ZFHX2: variants seen among roughly 807,000 people sequenced by gnomAD.
ZFHX2 encodes the protein zinc finger homeobox 2.
ZFHX2 carries 75 observed loss-of-function variants against 164.8 expected under a neutral mutation model. The ratio of observed to expected loss-of-function variants is 0.46; its 90% CI spans 0.38 to 0.55. The LOEUF (loss-of-function observed/expected upper bound fraction) is 0.55, where lower values mean the gene tolerates loss of function less well. ZFHX2 is among the 20% of genes least tolerant of loss of function. ZFHX2 has a pLI of 0.00. For synonymous variants in ZFHX2, 1,217 were observed against 1,351.4 expected (o/e 0.90, Z 2.18); for missense variants, 2,933 against 3,308.0 (o/e 0.89, Z 2.78).
At position 23,525,815 on chromosome 14, in the gene ZFHX2, G is replaced by C; in HGVS notation, c.4127C>G (p.Pro1376Arg). ...PFYLHDLKVG[P>R]KLTLAGPAPV... ...TGCAGGCCCAGCTAGTGTCAGCTTG[G>C]GCCCCACCTTGAGATCGTGGAGGTA... Residue 1376 changes from proline (P) to arginine (R), a missense_variant, in exon 9 of 10, where the codon CCC becomes CGC. Physicochemically the swap from Pro to Arg is moderately radical, Grantham distance 103 (BLOSUM62 -2). Transcript: ENST00000419474. The surrounding 1 kb of genome is among the most constrained non-coding windows in gnomAD (Gnocchi z 5.9). 6.8e-7 allele frequency: 1 copy of C among 1,463,592 alleles called. No homozygotes were observed. 90.7% of individuals were successfully genotyped at this position (1,463,592 alleles called of 1,614,324 possible).
chr14:23,534,470 T>G lies in ZFHX2; in HGVS notation c.856A>C (p.Lys286Gln). 1 of 1,536,276 alleles carries G rather than the reference T, an allele frequency of 6.5e-7. No individual in the cohort carries two copies. The highest frequency in any genetic ancestry group is 1.7e-4 in the Middle Eastern group (1 of 5,990). The change falls in exon 2 of 10, where the codon AAG (lysine) becomes CAG (glutamine). Residue 286 changes from lysine to glutamine, a missense_variant. Lys to Gln is a moderately conservative substitution (Grantham distance 53). Transcript: ENST00000419474. This position sits in a 1 kb window ranked among gnomAD's most constrained non-coding sequence, Gnocchi z 4.5. Reference sequence around the variant, plus strand: ...GGCTCCAGAAAGCTTATGAGGGCCTTGCAGCCTTCATCTCCCTCCTGGAGT... The same window carrying G: ...GGCTCCAGAAAGCTTATGAGGGCCTGGCAGCCTTCATCTCCCTCCTGGAGT... Reference protein sequence around the residue: ...AVLQEGDEGCKALISFLEPKL... With the variant: ...AVLQEGDEGCQALISFLEPKL...
rs1273775597 is a variant in ZFHX2 at position 23,532,878 on chromosome 14, A to T, written c.2248T>A (p.Trp750Arg). 2 of 1,536,226 alleles carry T rather than the reference A, an allele frequency of 1.3e-6. No individual in the cohort carries two copies. The highest frequency in any genetic ancestry group is 1.2e-5 in the South Asian group (1 of 84,064). Residue 750 changes from tryptophan (W) to arginine (R), a missense_variant, in exon 3 of 10, where the codon TGG becomes AGG. Trp to Arg is a moderately radical substitution (Grantham distance 101). Transcript: ENST00000419474. ...TGGGTGTCACCAGCCACCTCCTTCC[A>T]TTCAGCTTCCGGGAGGCTCCGGCCT... ...SIGRSLPEAE[W>R]KEVAGDTHRC...
chr14:23,530,667 C>T (rs188278197), intron 4 of ZFHX2: 57 of 339,552 alleles, frequency 1.7e-4, no homozygotes, highest in South Asian at 5.1e-4. Context: ...AATTTATTTT[C>T]GGTGGCAGCC....
intron 1 of ZFHX2, among the ~76,000 whole-genome samples, chr14:23,548,744 T>C (rs1881647336): frequency 6.6e-6 from 1 of 152,244 alleles, no homozygotes; most frequent in Non-Finnish European, 1.5e-5. Context: ...GTCTCTTCCC[T>C]GGATATTTCT....
upstream of ZFHX2, among the ~76,000 whole-genome samples, chr14:23,553,652 T>C (rs958005106): frequency 1.3e-5 from 2 of 151,744 alleles, no homozygotes; most frequent in African/African-American, 4.8e-5. Flanking sequence ...CCCAGCACTT[T>C]GGGAGGTGGA....
At chr14:23,526,788 G>T (rs1451871717) in intron 8 of ZFHX2, 59 bp downstream of exon 8, 1 of 1,525,690 alleles carries the variant, frequency 6.6e-7, no homozygotes, top group Admixed American at 2.0e-5. Flanking sequence ...TTCAGACCTT[G>T]TTGGCCCATG....
Position 23,522,520 on chromosome 14 carries a change from C to T in ZFHX2, c.7161G>A (p.Met2387Ile). The change falls in exon 10 of 10, where the codon ATG (methionine) becomes ATA (isoleucine). Residue 2387 changes from methionine to isoleucine, a missense_variant. By Grantham distance (10) the Met-to-Ile change is conservative (BLOSUM62 1). Coordinates refer to ENST00000419474, the MANE Select transcript of ZFHX2 (RefSeq NM_033400.3). ...GCAGCCCAATGAGGGTCTGAGGTAT[C>T]ATGGGGTTCATGGGAAATAGCCCCT... is the stretch of plus-strand genomic sequence containing the variant. ...MKKGLFPMNP[M>I]IPQTLIGLLP... is the part of the protein sequence containing the mutation. 6.5e-7 allele frequency: 1 copy of T among 1,528,466 alleles called. No individual in the cohort carries two copies. 94.7% of individuals were successfully genotyped at this position (1,528,466 alleles called of 1,614,324 possible).
chr14:23,522,555 C>T lies in ZFHX2; in HGVS notation c.7126G>A (p.Gly2376Ser), dbSNP rs894708824. 3.9e-6 allele frequency: 6 copies of T among 1,528,132 alleles called. No individual in the cohort carries two copies. Among genetic ancestry groups the T allele is most frequent in the Non-Finnish European group, 5.3e-6 (6 of 1,141,924 alleles). 94.7% of individuals were successfully genotyped at this position (1,528,132 alleles called of 1,614,324 possible). Residue 2376 changes from glycine to serine, a missense_variant, in exon 10 of 10, where the codon GGC becomes AGC. Gly to Ser is a moderately conservative substitution (Grantham distance 56). Transcript: ENST00000419474. Reference sequence around the variant, plus strand: ...ATGGGAAATAGCCCCTTCTTCATGCCATAGAGCTGTTGGAAGTAGGCCCCC... The same window carrying T: ...ATGGGAAATAGCCCCTTCTTCATGCTATAGAGCTGTTGGAAGTAGGCCCCC... The part of the protein sequence containing the change: ...LQGAYFQQLY[G>S]MKKGLFPMNP...
At chr14:23,537,760 C>A (rs941610649) in intron 1 of ZFHX2, among the ~76,000 whole-genome samples, 1 of 152,160 alleles carries the variant, frequency 6.6e-6, no homozygotes, top group Non-Finnish European at 1.5e-5. Flanking sequence ...AGGTATTCCT[C>A]CTACAGAATC....
Position 23,531,543 on chromosome 14 carries a change from T to C in ZFHX2, c.2738A>G (p.Glu913Gly). The change falls in exon 4 of 10, where the codon GAG becomes GGG. Residue 913 changes from glutamate to glycine, a missense_variant. Transcript: ENST00000419474. ...LQLLQNGPTTEEGLAALQSIL... is the reference protein window; with the variant it reads ...LQLLQNGPTTGEGLAALQSIL... ...GCTCTGAAGAGCTGCGAGTCCTTCC[T>C]CAGTGGTTGGGCCATTCTGTAGCAG... is the stretch of plus-strand genomic sequence containing the variant. 6.6e-7 allele frequency: 1 copy of C among 1,518,738 alleles called. No individual in the cohort carries two copies. Among genetic ancestry groups the C allele is most frequent in the Non-Finnish European group, 8.8e-7 (1 of 1,135,946 alleles). The allele number at this position is 1,518,738 out of a possible 1,614,324, so 94.1% of individuals were successfully genotyped here. A position where few individuals can be genotyped will look rare whatever the true frequency, so the allele number is the denominator to read the frequency against.
chr14:23,532,416 T>G, intron 3 of ZFHX2, 151 bp downstream of exon 3: 1 of 920,356 alleles, frequency 1.1e-6, no homozygotes, highest in Non-Finnish European at 1.5e-6. Flanking sequence ...GTCACTTTGT[T>G]ACCCTGGTAC....
intron 1 of ZFHX2, among the ~76,000 whole-genome samples, chr14:23,549,982 C>T (rs1881792116): frequency 1.3e-5 from 2 of 152,100 alleles, no homozygotes; most frequent in Non-Finnish European, 2.9e-5. Context: ...ACTCAGAGCT[C>T]ATGGGAAACA....
At chr14:23,552,641 G>A (rs1408671607), upstream of ZFHX2, among the ~76,000 whole-genome samples, 2 of 151,502 alleles carry the variant, frequency 1.3e-5, no homozygotes, top group Non-Finnish European at 2.9e-5. Flanking sequence ...TCACTCTGTC[G>A]CCCAGGCTGC....
chr14:23,531,330 T>A, intron 4 of ZFHX2, 151 bp downstream of exon 4: 1 of 1,187,120 alleles, frequency 8.4e-7, no homozygotes. Flanking sequence ...GCTCATTCTG[T>A]CTTATCCCTT....
rs1487097667 is a variant in ZFHX2, at chr14:23,533,577, G to A, written c.1749C>T (p.Asn583=). 3.9e-6 allele frequency: 6 copies of A among 1,536,608 alleles called. No individual in the cohort carries two copies. In the South Asian group the frequency reaches 4.8e-5, roughly 12 times the overall value. The change falls in exon 2 of 10, where the codon AAC becomes AAT. Residue 583 remains asparagine (N), a synonymous_variant. Transcript: ENST00000419474. The surrounding 1 kb of genome is among the most constrained non-coding windows in gnomAD (Gnocchi z 4.8). The part of the protein sequence containing the change: ...VCSYETNISR[N]LRIHMTSEKH... Reference sequence around the variant, plus strand: ...TCTCAGAGGTCATATGGATGCGCAGGTTACGGGAGATGTTTGTCTCGTAGC... The same window carrying A: ...TCTCAGAGGTCATATGGATGCGCAGATTACGGGAGATGTTTGTCTCGTAGC...
chr14:23,532,944 T>G lies in ZFHX2; in HGVS notation c.2182A>C (p.Ser728Arg), dbSNP rs1165439727. 1.3e-6 allele frequency: 2 copies of G among 1,536,074 alleles called. No homozygotes were observed. Residue 728 changes from serine (S) to arginine (R), a missense_variant, in exon 3 of 10, where the codon AGC becomes CGC. By Grantham distance (110) the Ser-to-Arg change is moderately radical (BLOSUM62 -1). Transcript: ENST00000419474. ...AGCAGCAGCTCCAGGCTGTCTGTGC[T>G]GAAGGCCTGGCACACTAGGCAGCGG... ...VFRCLVCQAF[S>R]TDSLELLLYH...
chr14:23,530,257 G>A (rs946637551), intron 4 of ZFHX2, 63 bp from the exon 5 acceptor site: 66 of 1,259,950 alleles, frequency 5.2e-5, no homozygotes, highest in Non-Finnish European at 6.8e-5. Flanking sequence ...GAGGACATAG[G>A]ACAGAGGAAG....
rs1287132557 is a variant in ZFHX2 at position 23,525,361 on chromosome 14, G to C, written c.4581C>G (p.Tyr1527Ter). ...GTTTGGGAGGCTCTGCAAGGGGCGG[G>C]TATAGGCTGTCATAGCTCTTTCGAA... is the stretch of plus-strand genomic sequence containing the variant. ...AQFRKSYDSL[Y>*]PPLAEPPKPP... The change falls in exon 9 of 10, where the codon TAC becomes TAG. Residue 1527 changes from tyrosine (Y) to a stop codon, truncating the protein, a stop_gained. Transcript: ENST00000419474. LOFTEE classifies it high-confidence loss of function. This position sits in a 1 kb window ranked among gnomAD's most constrained non-coding sequence, Gnocchi z 5.9. 6.5e-7 allele frequency: 1 copy of C among 1,536,014 alleles called. No homozygotes were observed.
rs1049445834 is a variant in ZFHX2, at chr14:23,533,279, G to A, written c.2041+6C>T. ...GAGAGAAGAGGGAAGAAGCACAGAA[G>A]CTTACCGGATGTGGGGAACTTGCGG... is the stretch of plus-strand genomic sequence containing the variant. On this transcript the variant is annotated splice_donor_region_variant and intron_variant, in intron 2 of 9. Coordinates refer to ENST00000419474, the MANE Select transcript of ZFHX2 (RefSeq NM_033400.3). The surrounding 1 kb of genome is among the most constrained non-coding windows in gnomAD (Gnocchi z 4.8). 8 of 1,436,386 alleles carry A rather than the reference G, an allele frequency of 5.6e-6. No homozygotes were observed. The African/African-American group carries it at 1.0e-4, about 18-fold the overall frequency. The allele number at this position is 1,436,386 out of a possible 1,614,324, so 89.0% of individuals were successfully genotyped here.
Sources: allele counts gnomAD v4.1 joint callset (sites outside exome capture counted in the v4.1 genomes callset), GRCh38; gene constraint gnomAD v4.1.1; non-coding constraint Gnocchi (gnomAD v3.1); transcripts MANE v1.5; gene names NCBI Gene and HGNC (gene_info 2026-07-23, HGNC 2026-07-21).